SNX8: variants seen among roughly 807,000 people sequenced by gnomAD.
The protein encoded by SNX8 is sorting nexin 8, also known as sorting nexin-8.
In SNX8, 25 loss-of-function variants were observed where a neutral mutation model predicts 51.6. That is an observed-to-expected ratio of 0.48 (90% CI 0.35 to 0.68). The LOEUF (loss-of-function observed/expected upper bound fraction) is 0.68. SNX8 is among the 30% of genes least tolerant of loss of function. The probability of loss-of-function intolerance (pLI) is 0.00; values close to 1 mark genes in which losing one functional copy is unlikely to be tolerated. For missense variants in SNX8, 695 were observed against 624.0 expected, an observed-to-expected ratio of 1.11 and a Z score of -1.21; for synonymous variants, 324 against 277.0, an observed-to-expected ratio of 1.17 and a Z score of -1.68.
At chr7:2,341,912 G>T (rs891285827) in intron 1 of SNX8, among the ~76,000 whole-genome samples, 2 of 151,814 alleles carry the variant, frequency 1.3e-5, no homozygotes, top group African/African-American at 2.4e-5. Context: ...GTTGGAGGTT[G>T]CAGTGAGCGG....
chr7:2,272,024 T>G, intron 3 of SNX8, 53 bp from the exon 4 acceptor site: 1 of 1,606,720 alleles, frequency 6.2e-7, no homozygotes, highest in Non-Finnish European at 8.5e-7. Context: ...GGCCCCCATC[T>G]TCTGCTCTGG....
chr7:2,309,931 C>T (rs1796628061), intron 1 of SNX8: 1 of 464,516 alleles, frequency 2.2e-6, no homozygotes. Context: ...AGGCCCTGGA[C>T]CTGCCTCAAT....
At chr7:2,320,361 C>T (rs901430893) in intron 1 of SNX8, among the ~76,000 whole-genome samples, 2 of 152,094 alleles carry the variant, frequency 1.3e-5, no homozygotes, top group Non-Finnish European at 2.9e-5. Flanking sequence ...AAGACCCCTG[C>T]TCTAAGTTGA....
upstream of SNX8, among the ~76,000 whole-genome samples, chr7:2,315,728 A>G (rs1013293168): frequency 1.3e-5 from 2 of 148,774 alleles, no homozygotes; most frequent in East Asian, 2.0e-4. Context: ...TGCATCCTGC[A>G]TTCATTCATT....
At chr7:2,261,054 G>A (rs1584668433) in intron 7 of SNX8, among the ~76,000 whole-genome samples, 1 of 152,268 alleles carries the variant, frequency 6.6e-6, no homozygotes, top group Non-Finnish European at 1.5e-5. Context: ...GGAGTGGAAT[G>A]TGGGAAGGTT....
chr7:2,318,695 CAA>C (rs755618675), upstream of SNX8, among the ~76,000 whole-genome samples: 7 of 121,064 alleles, frequency 5.8e-5, no homozygotes, highest in Admixed American at 8.7e-5. Context: ...GACTTTGTCT[CAA>C]AAAAAAAAAA....
chr7:2,286,522 A>T (rs199759168), intron 1 of SNX8, among the ~76,000 whole-genome samples: 872 of 72,010 alleles, frequency 0.012, 5 homozygotes, highest in South Asian at 0.033. Flanking sequence ...CTATTTTATA[A>T]TTTTTTTTTT....
chr7:2,275,074 C>T (rs1361525270), intron 3 of SNX8, 38 bp downstream of exon 3: 1 of 1,421,034 alleles, frequency 7.0e-7, no homozygotes, highest in Admixed American at 1.7e-5. Flanking sequence ...GATGGGCTCG[C>T]TCCCTCCGCC....
intron 1 of SNX8, among the ~76,000 whole-genome samples, chr7:2,305,297 T>G (rs1178193798): frequency 1.3e-5 from 2 of 152,214 alleles, no homozygotes; most frequent in Admixed American, 6.5e-5. Context: ...ACCAAGGCAG[T>G]CAGTCCAGAT....
intron 1 of SNX8, among the ~76,000 whole-genome samples, chr7:2,347,995 C>A (rs144306234): frequency 2.0e-5 from 3 of 152,122 alleles, no homozygotes; most frequent in South Asian, 4.1e-4. Context: ...AAGTGCCCTG[C>A]GAGATTGGAC....
intron 1 of SNX8, among the ~76,000 whole-genome samples, chr7:2,345,474 T>C (rs1562464982): frequency 6.6e-6 from 1 of 151,958 alleles, no homozygotes. Context: ...GGTCAGGAGT[T>C]CAAGACCAGC....
intron 1 of SNX8, among the ~76,000 whole-genome samples, chr7:2,284,834 C>G (rs1190138247): frequency 1.3e-5 from 2 of 152,124 alleles, no homozygotes; most frequent in Non-Finnish European, 2.9e-5. Context: ...TTCCTTCTTC[C>G]GCTCATAAAC....
intron 1 of SNX8, among the ~76,000 whole-genome samples, chr7:2,284,278 G>C (rs890631950): frequency 7.2e-5 from 11 of 151,960 alleles, no homozygotes; most frequent in Non-Finnish European, 1.6e-4. Flanking sequence ...CTGGTCAGGG[G>C]CCACAGTTTG....
chr7:2,314,321 G>C lies in SNX8; in HGVS notation c.94+7C>G. On this transcript the variant is annotated splice_region_variant and intron_variant, in intron 1 of 10. Transcript: ENST00000222990. ...CAGGTGGGGGCTACCGCCGCCCCAC[G>C]CCCTACCTGACGCCGGGGGATCCGC... 8.2e-7 allele frequency: 1 copy of C among 1,221,908 alleles called. No individual in the cohort carries two copies. The highest frequency in any genetic ancestry group is 1.0e-6 in the Non-Finnish European group (1 of 981,404). 75.7% of individuals were successfully genotyped at this position (1,221,908 alleles called of 1,614,324 possible). A position where few individuals can be genotyped will look rare whatever the true frequency, so the allele number is the denominator to read the frequency against.
At chr7:2,342,769 C>T (rs1778956720) in intron 1 of SNX8, among the ~76,000 whole-genome samples, 2 of 152,088 alleles carry the variant, frequency 1.3e-5, no homozygotes, top group Admixed American at 6.6e-5. Flanking sequence ...AACTATAGCC[C>T]ATCAGCCAAA....
In SNX8 at chr7:2,264,433, G is replaced by A. The variant is rs753591171; in HGVS notation, c.647C>T (p.Ala216Val). The A allele has an allele frequency of 3.1e-5, 50 of 1,611,658 alleles. No homozygotes were observed. In the Admixed American group the frequency reaches 8.2e-4, roughly 26 times the overall value. Residue 216 changes from alanine (A) to valine (V), a missense_variant, in exon 6 of 11, where the codon GCT becomes GTT. Coordinates refer to ENST00000222990, the MANE Select transcript of SNX8 (RefSeq NM_013321.4). ...CAGCTCCCGGCTGATGGCAAACTGA[G>A]CCTGGATGTCAGCTGGGAGGAAGTC... ...AKDFLPADIQ[A>V]QFAISRELIR...
chr7:2,285,632 C>T (rs1260006058), intron 1 of SNX8, among the ~76,000 whole-genome samples: 1 of 152,080 alleles, frequency 6.6e-6, no homozygotes, highest in Non-Finnish European at 1.5e-5. Context: ...CCCCTAACTA[C>T]TGCGCTAACT....
At chr7:2,335,618 C>T (rs543215546) in intron 1 of SNX8, among the ~76,000 whole-genome samples, 15 of 151,860 alleles carry the variant, frequency 9.9e-5, no homozygotes, top group Admixed American at 3.3e-4. Flanking sequence ...CTGGTTAACA[C>T]GGTGAAACCC....
intron 1 of SNX8, among the ~76,000 whole-genome samples, chr7:2,328,662 A>T (rs1334076682): frequency 6.6e-6 from 1 of 150,586 alleles, no homozygotes; most frequent in African/African-American, 2.5e-5. Flanking sequence ...AAAATACAAA[A>T]AATTGCACGC....
Sources: gnomAD v4.1 joint callset for allele counts (sites outside exome capture counted in the v4.1 genomes callset) on GRCh38, gnomAD v4.1.1 for gene constraint, MANE v1.5 for transcripts, NCBI Gene and HGNC (gene_info 2026-07-23, HGNC 2026-07-21) for gene names.